Variants in KCNK2 observed in about 807,000 individuals in gnomAD.
KCNK2 encodes the protein potassium two pore domain channel subfamily K member 2.
KCNK2 carries 21 observed loss-of-function variants against 40.5 expected under a neutral mutation model. That is an observed-to-expected ratio of 0.52 (90% CI 0.37 to 0.75). The LOEUF (loss-of-function observed/expected upper bound fraction) is 0.75, where lower values mean the gene tolerates loss of function less well. Ranked by LOEUF, KCNK2 falls within the 30% of genes least tolerant of loss-of-function variation. The probability of loss-of-function intolerance (pLI) is 0.00; values close to 1 mark genes in which losing one functional copy is unlikely to be tolerated. For missense variants in KCNK2, 399 were observed against 531.6 expected, an observed-to-expected ratio of 0.75 and a Z score of 2.45; for synonymous variants, 191 against 202.2, an observed-to-expected ratio of 0.94 and a Z score of 0.47.
At chr1:215,218,451 A>G (rs1173954148) in intron 6 of KCNK2, among the ~76,000 whole-genome samples, 1 of 152,244 alleles carries the variant, frequency 6.6e-6, no homozygotes, top group Non-Finnish European at 1.5e-5. Flanking sequence ...TCCCAGTCTT[A>G]GTAAATATCA....
chr1:215,169,135 A>T, intron 3 of KCNK2, 64 bp from the exon 4 acceptor site: 1 of 1,334,636 alleles, frequency 7.5e-7, no homozygotes, highest in South Asian at 1.5e-5. Flanking sequence ...TTTCTGAATC[A>T]ATCTTGAGTT....
intron 6 of KCNK2, among the ~76,000 whole-genome samples, chr1:215,213,412 T>G (rs1357146562): frequency 1.3e-5 from 2 of 152,104 alleles, no homozygotes; most frequent in Admixed American, 1.3e-4. Flanking sequence ...AGTTCGAGAC[T>G]AGCCTTGCCA....
intron 3 of KCNK2, among the ~76,000 whole-genome samples, chr1:215,157,074 T>G (rs975653430): frequency 6.6e-6 from 1 of 152,088 alleles, no homozygotes; most frequent in African/African-American, 2.4e-5. Flanking sequence ...GAAATTTATT[T>G]TCCTCCCACA....
Position 215,083,196 on chromosome 1 carries a change from C to CA in KCNK2, c.-190_-189insA. 2.2e-6 allele frequency: 1 copy of CA among 447,376 alleles called. No homozygotes were observed. The highest frequency in any genetic ancestry group is 3.8e-6 in the Non-Finnish European group (1 of 260,850). 27.7% of individuals were successfully genotyped at this position (447,376 alleles called of 1,614,324 possible). On this transcript the variant is annotated 5_prime_UTR_variant, in exon 1 of 7. Coordinates refer to ENST00000444842, the MANE Select transcript of KCNK2 (RefSeq NM_001017425.3). The stretch of plus-strand genomic sequence containing the variant: ...CGCGATTTCGTTTCTTCTCACGCTC[C>CA]CCCCCCCGCCCCCTCCCGCGTCCAG...
intron 3 of KCNK2, among the ~76,000 whole-genome samples, chr1:215,145,420 G>A (rs758419126): frequency 5.9e-5 from 9 of 152,062 alleles, no homozygotes; most frequent in Non-Finnish European, 1.3e-4. Context: ...GCTATGCTAC[G>A]TTACCTTCAG....
intron 2 of KCNK2, among the ~76,000 whole-genome samples, chr1:215,098,453 C>A (rs996994150): frequency 6.6e-6 from 1 of 151,826 alleles, no homozygotes; most frequent in African/African-American, 2.4e-5. Flanking sequence ...AGCTTCAACT[C>A]TCATTTATGT....
At chr1:215,176,328 T>G (rs1025940538) in intron 5 of KCNK2, among the ~76,000 whole-genome samples, 9 of 151,960 alleles carry the variant, frequency 5.9e-5, no homozygotes, top group African/African-American at 2.2e-4. Flanking sequence ...CTTTGCCCAC[T>G]TTTTTTTCTT....
chr1:215,020,405 G>A (rs778923484), intron 1 of KCNK2, among the ~76,000 whole-genome samples: 12 of 152,084 alleles, frequency 7.9e-5, no homozygotes, highest in South Asian at 6.2e-4. Context: ...CCCAAAATAC[G>A]TTGAGCCTCA....
intron 6 of KCNK2, among the ~76,000 whole-genome samples, chr1:215,220,864 T>C (rs886860975): frequency 6.6e-6 from 1 of 152,192 alleles, no homozygotes; most frequent in East Asian, 1.9e-4. Flanking sequence ...TGACTTGGCA[T>C]TTTCTGAATA....
intron 2 of KCNK2, among the ~76,000 whole-genome samples, chr1:215,123,467 T>A (rs975268371): frequency 1.3e-5 from 2 of 152,184 alleles, no homozygotes; most frequent in African/African-American, 4.8e-5. Context: ...TAATTTAATT[T>A]ACACAGAACT....
At chr1:215,230,017 T>TTA (rs139170968) in intron 6 of KCNK2, among the ~76,000 whole-genome samples, 7,206 of 145,414 alleles carry the variant, frequency 0.05, 198 homozygotes, top group Middle Eastern at 0.1. Flanking sequence ...CACACACAGA[T>TTA]TATATATATA....
chr1:215,029,592 GATATATTTAATATATTAAT>G lies in KCNK2; in HGVS notation c.34+23653_34+23671del, dbSNP rs1330647164. 6.2e-4 allele frequency among the ~76,000 whole-genome samples: 89 copies of G among 144,574 alleles called. 1 individual carries two copies. The East Asian group carries it at 0.016, about 27-fold the overall frequency. 94.8% of individuals were successfully genotyped at this position (144,574 alleles called of 152,430 possible). ...ATTTAATATATAAATATAAATATTTGATATATTTAATATATTAATATATATTTAATATATGAATATAAAT... is the reference window on the plus strand; with the variant it reads ...ATTTAATATATAAATATAAATATTTGATATATTTAATATATGAATATAAAT... On this transcript the variant is annotated intron_variant, in intron 1 of 6. Coordinates refer to the KCNK2 transcript ENST00000391895.
At chr1:215,119,446 G>A (rs1206698510) in intron 2 of KCNK2, among the ~76,000 whole-genome samples, 1 of 152,124 alleles carries the variant, frequency 6.6e-6, no homozygotes, top group Non-Finnish European at 1.5e-5. Context: ...TTTATCATGT[G>A]TATGAGTATA....
chr1:215,125,147 T>A (rs925730428), intron 3 of KCNK2, among the ~76,000 whole-genome samples: 5 of 152,192 alleles, frequency 3.3e-5, no homozygotes, highest in African/African-American at 1.2e-4. Flanking sequence ...CTTTTCGAAT[T>A]TGTAAATTTT....
chr1:215,160,054 T>C (rs1663125857), intron 3 of KCNK2, among the ~76,000 whole-genome samples: 2 of 152,208 alleles, frequency 1.3e-5, no homozygotes, highest in African/African-American at 4.8e-5. Context: ...TCTGGGAGAT[T>C]AAAGGAAACT....
chr1:215,071,564 G>A (rs976296659), intron 1 of KCNK2, among the ~76,000 whole-genome samples: 1 of 152,064 alleles, frequency 6.6e-6, no homozygotes, highest in African/African-American at 2.4e-5. Context: ...GAAGTCAGCA[G>A]GTAATAAGCA....
chr1:215,037,001 C>CTTTTTT (rs1657407852), intron 1 of KCNK2, among the ~76,000 whole-genome samples: 1 of 42,312 alleles, frequency 2.4e-5, no homozygotes, highest in African/African-American at 7.4e-5. Context: ...GCCTTTTATT[C>CTTTTTT]CTTTTTTTTT....
intron 6 of KCNK2, among the ~76,000 whole-genome samples, chr1:215,225,728 T>G (rs894811990): frequency 6.6e-6 from 1 of 152,214 alleles, no homozygotes; most frequent in Non-Finnish European, 1.5e-5. Context: ...ATGCATAGTC[T>G]CTGTCATTAA....
At chr1:215,171,902 TTCTCTCTCTCTCTCTTTGTC>T in intron 4 of KCNK2, 75 bp from the exon 5 acceptor site, 2 of 787,790 alleles carry the variant, frequency 2.5e-6, no homozygotes, top group Non-Finnish European at 3.6e-6. Flanking sequence ...TACAAGTAAT[TTCTCTCTCTCTCTCTTTGTC>T]TCTCTCTCTC....
Sources: gnomAD v4.1 joint callset for allele counts (sites outside exome capture counted in the v4.1 genomes callset) on GRCh38, gnomAD v4.1.1 for gene constraint, MANE v1.5 for transcripts, NCBI Gene and HGNC (gene_info 2026-07-23, HGNC 2026-07-21) for gene names.